Variants in SMYD3 observed in about 807,000 individuals in gnomAD.
SMYD3 encodes the protein SET and MYND domain containing 3, also known as histone-lysine N-methyltransferase SMYD3.
Under a neutral mutation model 57.7 loss-of-function variants are expected in SMYD3, and 36 were observed. That is an observed-to-expected ratio of 0.62 (90% CI 0.48 to 0.82). The LOEUF (loss-of-function observed/expected upper bound fraction) is 0.82. Among genes scored for constraint, SMYD3 ranks in the 40% least tolerant of loss-of-function variants. SMYD3 has a pLI of 0.00. For synonymous variants in SMYD3, 211 were observed against 195.0 expected (o/e 1.08, Z -0.68); for missense variants, 515 against 538.8 (o/e 0.96, Z 0.44).
intron 1 of SMYD3, among the ~76,000 whole-genome samples, chr1:246,446,084 GT>G (rs2067547420): frequency 6.6e-6 from 1 of 151,966 alleles, no homozygotes; most frequent in South Asian, 2.1e-4. Flanking sequence ...ATCTACTAAG[GT>G]AAGTCAGAAG....
At chr1:246,050,056 A>G (rs1441451575) in intron 5 of SMYD3, among the ~76,000 whole-genome samples, 1 of 152,254 alleles carries the variant, frequency 6.6e-6, no homozygotes. Context: ...TATAACCAAC[A>G]AACAACCTTT....
At chr1:246,235,479 T>C (rs1393156477) in intron 5 of SMYD3, among the ~76,000 whole-genome samples, 1 of 152,170 alleles carries the variant, frequency 6.6e-6, no homozygotes, top group African/African-American at 2.4e-5. Flanking sequence ...ACTATAAAAA[T>C]AAACACAGTT....
chr1:246,432,438 A>C (rs185606120), intron 1 of SMYD3, among the ~76,000 whole-genome samples: 4 of 152,342 alleles, frequency 2.6e-5, no homozygotes, highest in Non-Finnish European at 5.9e-5. Flanking sequence ...TATAAAAGTT[A>C]ATTAGAGGGC....
intron 5 of SMYD3, among the ~76,000 whole-genome samples, chr1:246,255,849 G>T (rs1572287758): frequency 6.7e-6 from 1 of 149,870 alleles, no homozygotes; most frequent in East Asian, 2.0e-4. Context: ...TCTCTTCAGG[G>T]TTTCAATTTC....
At position 245,817,514 on chromosome 1, in the gene SMYD3, T is replaced by C. The variant is rs542160397; in HGVS notation, c.1076+40982A>G. Reference sequence around the variant, plus strand: ...CCTCTCCTCCTCCAAAGGAACGCAGTTCCTCACCAGCAACGGAACAAAGCT... The same window carrying C: ...CCTCTCCTCCTCCAAAGGAACGCAGCTCCTCACCAGCAACGGAACAAAGCT... On this transcript the variant is annotated intron_variant, in intron 10 of 11. Transcript: ENST00000490107. Among the ~76,000 whole-genome samples, 299 of 150,242 alleles carry C rather than the reference T, an allele frequency of 2.0e-3. 1 individual carries two copies. The highest frequency in any genetic ancestry group is 6.9e-3 in the Middle Eastern group (2 of 288).
intron 8 of SMYD3, 51 bp downstream of exon 8, chr1:245,915,479 T>G (rs1317844546): frequency 8.7e-7 from 1 of 1,155,704 alleles, no homozygotes; most frequent in Non-Finnish European, 1.3e-6. Flanking sequence ...TCTCTGAAGA[T>G]CATTGAGATT....
intron 5 of SMYD3, among the ~76,000 whole-genome samples, chr1:246,094,969 A>G (rs2060888016): frequency 6.6e-6 from 1 of 151,826 alleles, no homozygotes; most frequent in Non-Finnish European, 1.5e-5. Context: ...CCGCATTGGT[A>G]TCTCTATTAG....
intron 10 of SMYD3, among the ~76,000 whole-genome samples, chr1:245,836,989 A>C (rs1328531563): frequency 6.6e-6 from 1 of 152,170 alleles, no homozygotes; most frequent in East Asian, 1.9e-4. Flanking sequence ...TCCACAACTT[A>C]ATTATTTAAT....
chr1:246,394,353 G>A (rs1050361095), intron 1 of SMYD3, among the ~76,000 whole-genome samples: 1 of 152,076 alleles, frequency 6.6e-6, no homozygotes, highest in African/African-American at 2.4e-5. Flanking sequence ...TTGCCATAAC[G>A]AAAGGAAGTT....
chr1:246,333,384 A>G (rs2065491494), intron 3 of SMYD3, among the ~76,000 whole-genome samples: 1 of 152,230 alleles, frequency 6.6e-6, no homozygotes, highest in Admixed American at 6.5e-5. Context: ...AACTGCAACA[A>G]AAACAAAATT....
chr1:245,861,256 A>G (rs531878536), intron 9 of SMYD3, among the ~76,000 whole-genome samples: 46 of 152,380 alleles, frequency 3.0e-4, no homozygotes, highest in African/African-American at 1.1e-3. Context: ...GTTTACTACA[A>G]TTCACTCTGT....
chr1:245,890,398 A>C (rs1039274819), intron 8 of SMYD3, among the ~76,000 whole-genome samples: 2 of 152,228 alleles, frequency 1.3e-5, no homozygotes, highest in African/African-American at 4.8e-5. Flanking sequence ...AAAAAAATCT[A>C]ACAATCTAAC....
At chr1:246,313,154 C>T (rs1210022680) in intron 5 of SMYD3, among the ~76,000 whole-genome samples, 1 of 152,138 alleles carries the variant, frequency 6.6e-6, no homozygotes, top group East Asian at 1.9e-4. Context: ...GATCTGCCCA[C>T]CTCGGCCTCC....
At chr1:245,908,402 G>T (rs12083717) in intron 8 of SMYD3, among the ~76,000 whole-genome samples, 3 of 152,040 alleles carry the variant, frequency 2.0e-5, no homozygotes, top group Non-Finnish European at 2.9e-5. Context: ...TACACTAATA[G>T]TTGGGGACTT....
chr1:246,228,360 C>A (rs564880516), intron 5 of SMYD3, among the ~76,000 whole-genome samples: 1 of 152,294 alleles, frequency 6.6e-6, no homozygotes, highest in South Asian at 2.1e-4. Flanking sequence ...TAAAAGTTAT[C>A]TTACAGGACT....
intron 1 of SMYD3, among the ~76,000 whole-genome samples, chr1:246,446,987 C>CCACTG (rs1341393562): frequency 1.3e-5 from 2 of 150,704 alleles, no homozygotes; most frequent in African/African-American, 2.5e-5. Flanking sequence ...CGAGATCGTG[C>CCACTG]CACTGCACTC....
At chr1:245,952,066 G>A (rs74470660) in intron 5 of SMYD3, among the ~76,000 whole-genome samples, 1,854 of 151,694 alleles carry the variant, frequency 0.012, 24 homozygotes, top group South Asian at 0.023. Context: ...TGCCGTTTCT[G>A]GAAAAAAAAT....
At chr1:245,793,301 A>C (rs968234653) in intron 10 of SMYD3, among the ~76,000 whole-genome samples, 9 of 139,116 alleles carry the variant, frequency 6.5e-5, no homozygotes, top group South Asian at 2.2e-4. Flanking sequence ...ACTCCGTCCC[A>C]AAAAAAAAAA....
At chr1:246,129,973 T>C (rs974464417) in intron 5 of SMYD3, among the ~76,000 whole-genome samples, 3 of 152,198 alleles carry the variant, frequency 2.0e-5, no homozygotes, top group Admixed American at 1.3e-4. Context: ...TAACTGTAGC[T>C]ATGTCTACTT....
Sources: gnomAD v4.1 joint callset for allele counts (sites outside exome capture counted in the v4.1 genomes callset) on GRCh38, gnomAD v4.1.1 for gene constraint, MANE v1.5 for transcripts, NCBI Gene and HGNC (gene_info 2026-07-23, HGNC 2026-07-21) for gene names.